The following REDIC1 variants were observed in gnomAD, a reference collection of about 807,000 sequenced individuals.
REDIC1 encodes the protein regulator of DNA class I crossover intermediates 1, also known as HEI10 Interacting Protein 1.
chr12:39,722,664 C>T, the REDIC1 span, among the ~76,000 whole-genome samples: 7 of 152,064 alleles, frequency 4.6e-5, no homozygotes, highest in Admixed American at 3.9e-4. Context: ...AAAGTACACA[C>T]CTAGTTCTGT....
chr12:39,658,576 A>G, the REDIC1 span, among the ~76,000 whole-genome samples: 1 of 152,192 alleles, frequency 6.6e-6, no homozygotes, highest in East Asian at 1.9e-4. Context: ...AGTGGCTAAG[A>G]ATATGGTTTA....
chr12:39,764,907 T>G, the REDIC1 span: 1 of 1,580,660 alleles, frequency 6.3e-7, no homozygotes, highest in Non-Finnish European at 8.6e-7. Context: ...TTGACTACAG[T>G]TGCAGAAATT....
the REDIC1 span, among the ~76,000 whole-genome samples, chr12:39,751,192 C>T: frequency 2.0e-5 from 3 of 151,958 alleles, no homozygotes; most frequent in Non-Finnish European, 4.4e-5. Flanking sequence ...CCAGAATGTA[C>T]AATGAACTCC....
chr12:39,839,943 T>C, the REDIC1 span, among the ~76,000 whole-genome samples: 7 of 152,142 alleles, frequency 4.6e-5, no homozygotes, highest in Admixed American at 2.0e-4. Flanking sequence ...CTGAGCATGA[T>C]TGCAGAACAT....
At chr12:39,711,737 ATGTG>A in the REDIC1 span, among the ~76,000 whole-genome samples, 1 of 100,882 alleles carries the variant, frequency 9.9e-6, no homozygotes, top group Non-Finnish European at 2.2e-5. Context: ...GCATGTGTGT[ATGTG>A]TGTATACACA....
At chr12:39,864,938 G>A in the REDIC1 span, 2 of 1,486,776 alleles carry the variant, frequency 1.3e-6, no homozygotes, top group Non-Finnish European at 1.8e-6. Context: ...TTTTAAGGCA[G>A]ACTGGGTTTG....
the REDIC1 span, among the ~76,000 whole-genome samples, chr12:39,699,303 A>G: frequency 1.3e-5 from 2 of 152,222 alleles, no homozygotes; most frequent in Non-Finnish European, 2.9e-5. Flanking sequence ...GAAAGGGGTC[A>G]GGGAGTTCCC....
chr12:39,715,811 A>G, the REDIC1 span, among the ~76,000 whole-genome samples: 2 of 151,970 alleles, frequency 1.3e-5, no homozygotes, highest in African/African-American at 2.4e-5. Flanking sequence ...TGGTGGATTT[A>G]TAGTACTTAT....
the REDIC1 span, among the ~76,000 whole-genome samples, chr12:39,713,158 C>CGTAT: frequency 2.0e-5 from 3 of 149,450 alleles, no homozygotes; most frequent in Admixed American, 6.7e-5. Flanking sequence ...TGTGCATATA[C>CGTAT]ACACGTGTAT....
chr12:39,642,579 T>C, the REDIC1 span, among the ~76,000 whole-genome samples: 1 of 151,768 alleles, frequency 6.6e-6, no homozygotes, highest in African/African-American at 2.4e-5. Context: ...CTTTGTACTT[T>C]GTACAGATGA....
chr12:39,780,472 T>A, the REDIC1 span, among the ~76,000 whole-genome samples: 1 of 152,070 alleles, frequency 6.6e-6, no homozygotes, highest in South Asian at 2.1e-4. Flanking sequence ...CAAAAATGAG[T>A]AGAATAAAAT....
chr12:39,722,481 A>G, the REDIC1 span, among the ~76,000 whole-genome samples: 3 of 152,142 alleles, frequency 2.0e-5, no homozygotes, highest in Non-Finnish European at 4.4e-5. Flanking sequence ...TTATTTTGCA[A>G]AAATATTGCA....
the REDIC1 span, among the ~76,000 whole-genome samples, chr12:39,689,267 T>C: frequency 2.6e-5 from 4 of 152,320 alleles, no homozygotes; most frequent in Admixed American, 6.5e-5. Flanking sequence ...GGAGGAAAAT[T>C]GCCTGCTTAC....
the REDIC1 span, among the ~76,000 whole-genome samples, chr12:39,869,119 T>C: frequency 6.6e-6 from 1 of 152,144 alleles, no homozygotes; most frequent in Non-Finnish European, 1.5e-5. Context: ...GTCAAGTATA[T>C]ATCTACATAT....
chr12:39,698,789 A>G, the REDIC1 span, among the ~76,000 whole-genome samples: 1 of 152,376 alleles, frequency 6.6e-6, no homozygotes, highest in African/African-American at 2.4e-5. Context: ...TCCTTGAAAC[A>G]AATGATAATT....
the REDIC1 span, among the ~76,000 whole-genome samples, chr12:39,761,878 C>T: frequency 1.3e-5 from 2 of 152,054 alleles, no homozygotes; most frequent in East Asian, 3.9e-4. Context: ...TTATCTTCAT[C>T]ATTATCTTTC....
chr12:39,711,783 GTA>G, the REDIC1 span, among the ~76,000 whole-genome samples: 50 of 132,230 alleles, frequency 3.8e-4, no homozygotes, highest in African/African-American at 1.0e-3. Context: ...ACATGCATGT[GTA>G]TGTGTGTGTA....
the REDIC1 span, among the ~76,000 whole-genome samples, chr12:39,828,985 T>C: frequency 6.6e-6 from 1 of 152,180 alleles, no homozygotes; most frequent in African/African-American, 2.4e-5. Context: ...AGTTCTCTAA[T>C]GAAACAATTA....
chr12:39,707,028 A>G, the REDIC1 span, among the ~76,000 whole-genome samples: 3 of 151,920 alleles, frequency 2.0e-5, no homozygotes, highest in East Asian at 3.9e-4. Context: ...ACAGGATCAC[A>G]TCAAGTTAAA....
Sources: gnomAD v4.1 joint callset for allele counts (sites outside exome capture counted in the v4.1 genomes callset) on GRCh38, gnomAD v4.1.1 for gene constraint, MANE v1.5 for transcripts, NCBI Gene and HGNC (gene_info 2026-07-23, HGNC 2026-07-21) for gene names.